The following LMF1 variants were observed in gnomAD, a reference collection of about 807,000 sequenced individuals.
LMF1 encodes the protein lipase maturation factor 1.
In LMF1, 68 loss-of-function variants were observed where a neutral mutation model predicts 60.6. The observed-to-expected ratio is 1.12, with a 90% CI of 0.92 to 1.37. The LOEUF (loss-of-function observed/expected upper bound fraction) is 1.37. LMF1 is among the 40% of genes most tolerant of loss of function. LMF1 has a pLI of 0.00. For missense variants in LMF1, 948 were observed against 767.2 expected, an observed-to-expected ratio of 1.24 and a Z score of -2.78; for synonymous variants, 418 against 324.7, an observed-to-expected ratio of 1.29 and a Z score of -3.09.
intron 10 of LMF1, chr16:855,630 C>G (rs1348952815): frequency 2.2e-6 from 1 of 448,324 alleles, no homozygotes; most frequent in African/African-American, 2.0e-5. Flanking sequence ...GCGGAAGCTT[C>G]TCAGCCCACA....
intron 5 of LMF1, among the ~76,000 whole-genome samples, chr16:882,426 C>T (rs2151717624): frequency 6.6e-6 from 1 of 152,366 alleles, no homozygotes; most frequent in Non-Finnish European, 1.5e-5. Context: ...GGTCCCTCTA[C>T]TCTGAGGCCA....
chr16:857,486 C>T (rs1329138349), intron 10 of LMF1, among the ~76,000 whole-genome samples: 1 of 101,120 alleles, frequency 9.9e-6, no homozygotes, highest in Non-Finnish European at 2.0e-5. Flanking sequence ...AGTGGTGTCA[C>T]CGGACGGGTG....
rs778646907 is a variant in LMF1, at chr16:870,867, C to G, written c.1094G>C (p.Arg365Pro). ...PEPRFGSVVRRAANVSLGVLL... is the reference protein window; with the variant it reads ...PEPRFGSVVRPAANVSLGVLL... Reference sequence around the variant, plus strand: ...GACGCCCAGCGAGACGTTGGCTGCACGCCGCACCACGGAGCCTGGCAGGGG... The same window carrying G: ...GACGCCCAGCGAGACGTTGGCTGCAGGCCGCACCACGGAGCCTGGCAGGGG... The change falls in exon 8 of 11, where the codon CGT (arginine) becomes CCT (proline). Residue 365 changes from arginine (R) to proline (P), a missense_variant. Coordinates refer to ENST00000262301, the MANE Select transcript of LMF1 (RefSeq NM_022773.4). 4 of 1,608,556 alleles carry G rather than the reference C, an allele frequency of 2.5e-6. No individual in the cohort carries two copies. Among genetic ancestry groups the G allele is most frequent in the Middle Eastern group, 1.7e-4 (1 of 6,058 alleles).
At chr16:869,731 T>C (rs935475438) in intron 9 of LMF1, among the ~76,000 whole-genome samples, 152 bp downstream of exon 9, 1 of 152,142 alleles carries the variant, frequency 6.6e-6, no homozygotes. Context: ...GGATGTCGTG[T>C]GGGCTCAGTT....
chr16:928,379 A>G (rs2151777999), intron 3 of LMF1, among the ~76,000 whole-genome samples: 1 of 152,274 alleles, frequency 6.6e-6, no homozygotes, highest in South Asian at 2.1e-4. Flanking sequence ...ATAAGGATAA[A>G]CCAACCATTC....
chr16:965,098 G>A (rs201858885), intron 1 of LMF1, among the ~76,000 whole-genome samples: 231 of 152,342 alleles, frequency 1.5e-3, no homozygotes, highest in African/African-American at 5.3e-3. Context: ...AAGCCCCTCC[G>A]TTCCCGCCAG....
intron 1 of LMF1, chr16:968,865 G>A (rs1051833942): frequency 2.0e-5 from 3 of 152,218 alleles, no homozygotes; most frequent in East Asian, 1.9e-4. Context: ...CCGGAGGCAA[G>A]GCCGCTGGGA....
chr16:939,533 G>A lies in LMF1; in HGVS notation c.504-5279C>T, dbSNP rs1383688496. ...GCCGCCGAGCAGCGGAGGTCCAGACGGGCGCGTGGCATCTGGGGCAATGAC... is the reference window on the plus strand; with the variant it reads ...GCCGCCGAGCAGCGGAGGTCCAGACAGGCGCGTGGCATCTGGGGCAATGAC... On this transcript the variant is annotated intron_variant, in intron 2 of 10. Transcript: ENST00000262301. 4.6e-5 allele frequency among the ~76,000 whole-genome samples: 7 copies of A among 152,226 alleles called. 1 individual carries two copies. The highest frequency in any genetic ancestry group is 1.9e-4 in the East Asian group (1 of 5,186).
intron 4 of LMF1, chr16:899,408 GC>G (rs1470113894): frequency 6.6e-6 from 1 of 152,366 alleles, no homozygotes; most frequent in Non-Finnish European, 1.5e-5. Flanking sequence ...CCTGAAAGAA[GC>G]CCCTTTTCCT....
At chr16:858,356 C>CAGTGGTGTCTCGGGACGGGTGTG (rs2069279238) in intron 10 of LMF1, among the ~76,000 whole-genome samples, 1 of 24,608 alleles carries the variant, frequency 4.1e-5, no homozygotes, top group Non-Finnish European at 6.6e-5. Context: ...GACGGGTGTG[C>CAGTGGTGTCTCGGGACGGGTGTG]AGTGGTGTCT....
chr16:938,478 G>A (rs188566263), intron 2 of LMF1, among the ~76,000 whole-genome samples: 2 of 152,340 alleles, frequency 1.3e-5, no homozygotes, highest in South Asian at 2.1e-4. Context: ...ATACCAGTTC[G>A]GCAGTGCCAG....
chr16:891,246 C>T (rs2070479281), intron 5 of LMF1, among the ~76,000 whole-genome samples: 1 of 152,158 alleles, frequency 6.6e-6, no homozygotes, highest in Non-Finnish European at 1.5e-5. Flanking sequence ...CCCCCAGAAA[C>T]ACCACACCCT....
chr16:979,768 C>T (rs953225856), intron 1 of LMF1: 2 of 454,114 alleles, frequency 4.4e-6, no homozygotes, highest in Non-Finnish European at 8.8e-6. Context: ...TCTGCTCTCC[C>T]AGGGGCAGGG....
chr16:864,941 G>A (rs1252947189), intron 10 of LMF1, among the ~76,000 whole-genome samples: 1 of 152,038 alleles, frequency 6.6e-6, no homozygotes, highest in African/African-American at 2.4e-5. Context: ...CTCTTAATTG[G>A]CTTATTTAGA....
At position 977,919 on chromosome 16, in the gene LMF1, CAT is replaced by C. The variant is rs934826169; in HGVS notation, c.-135+3224_-135+3225del. ...ACACACTAAACACACACACCACACA[CAT>C]ACCACACACATACATCATACACACG... On this transcript the variant is annotated intron_variant, in intron 1 of 6. Coordinates refer to the LMF1 transcript ENST00000570014. 1.9e-4 allele frequency among the ~76,000 whole-genome samples: 26 copies of C among 135,668 alleles called. 1 individual carries two copies. Among genetic ancestry groups the C allele is most frequent in the African/African-American group, 4.6e-4 (15 of 32,614 alleles). The allele number at this position is 135,668 out of a possible 152,430, so 89.0% of individuals were successfully genotyped here.
At chr16:944,672 T>C (rs1018572463) in intron 2 of LMF1, among the ~76,000 whole-genome samples, 1 of 152,218 alleles carries the variant, frequency 6.6e-6, no homozygotes, top group African/African-American at 2.4e-5. Context: ...ATGGAGTCCA[T>C]GAAGACAAAT....
intron 6 of LMF1, chr16:871,697 T>G: frequency 8.7e-6 from 2 of 230,710 alleles, no homozygotes; most frequent in Non-Finnish European, 8.5e-6. Flanking sequence ...GCCGGGGTCA[T>G]GCCCGGGGAA....
intron 6 of LMF1, chr16:872,248 G>A (rs1401307610): frequency 6.6e-6 from 1 of 152,192 alleles, no homozygotes; most frequent in East Asian, 1.9e-4. Flanking sequence ...GGCTTCCTCA[G>A]ACAGCTCCGT....
At chr16:947,692 G>T in intron 2 of LMF1, 1 of 414,688 alleles carries the variant, frequency 2.4e-6, no homozygotes, top group South Asian at 1.7e-5. Context: ...CGGTGCTGCC[G>T]TGCTGAAGAG....
Sources: gnomAD v4.1 joint callset for allele counts (sites outside exome capture counted in the v4.1 genomes callset) on GRCh38, gnomAD v4.1.1 for gene constraint, MANE v1.5 for transcripts, NCBI Gene and HGNC (gene_info 2026-07-23, HGNC 2026-07-21) for gene names.